Variants in MCF2 observed in about 807,000 individuals in gnomAD.
MCF2 encodes proto-oncogene DBL.
Under a neutral mutation model 82.5 loss-of-function variants are expected in MCF2, and 44 were observed. The ratio of observed to expected loss-of-function variants is 0.53; its 90% CI spans 0.42 to 0.69. The LOEUF is 0.69. Ranked by LOEUF, MCF2 falls within the 30% of genes least tolerant of loss-of-function variation. MCF2 has a pLI of 0.00. For missense variants in MCF2, 623 were observed against 663.1 expected (o/e 0.94, Z 0.66); for synonymous variants, 217 against 224.9 (o/e 0.96, Z 0.32).
At chrX:139,602,941 T>C (rs1165092318) in intron 15 of MCF2, among the ~76,000 whole-genome samples, 2 of 111,908 alleles carry the variant, frequency 1.8e-5, no homozygotes, top group Admixed American at 9.5e-5. Flanking sequence ...TAGGCACTTA[T>C]GCAATTCTCT....
At chrX:139,612,590 A>C (rs778274625) in intron 10 of MCF2, among the ~76,000 whole-genome samples, 1 of 111,369 alleles carries the variant, frequency 9.0e-6, no homozygotes, top group Non-Finnish European at 1.9e-5. Flanking sequence ...AGTTTGACTC[A>C]TTTTTATGAG....
Position 139,666,089 on chromosome X carries a change from T to C in MCF2, c.-44-14301A>G, listed in dbSNP as rs753526991. On this transcript the variant is annotated intron_variant, in intron 1 of 27. Coordinates refer to the MCF2 transcript ENST00000414978. Reference sequence around the variant, plus strand: ...GAGTATGTATCCCCTCAAGCATTTATCCTTATTATTACAAATAATCCAATT... The same window carrying C: ...GAGTATGTATCCCCTCAAGCATTTACCCTTATTATTACAAATAATCCAATT... Among the ~76,000 whole-genome samples, 6 of 108,004 alleles carry C rather than the reference T, an allele frequency of 5.6e-5. No homozygotes were observed. In the East Asian group the frequency reaches 1.7e-3, roughly 31 times the overall value. The allele number at this position is 108,004 out of a possible 115,157, so 93.8% of individuals were successfully genotyped here. A position where few individuals can be genotyped will look rare whatever the true frequency, so the allele number is the denominator to read the frequency against.
intron 1 of MCF2, among the ~76,000 whole-genome samples, chrX:139,706,470 C>G (rs1275986404): frequency 9.0e-6 from 1 of 111,603 alleles, no homozygotes; most frequent in African/African-American, 3.3e-5. Context: ...AACAGAAAAC[C>G]AAATACCACA....
intron 1 of MCF2, among the ~76,000 whole-genome samples, chrX:139,666,370 G>A (rs952929272): frequency 9.0e-6 from 1 of 110,710 alleles, no homozygotes; most frequent in African/African-American, 3.3e-5. Flanking sequence ...GGACTCCCTT[G>A]AGCATTTCTT....
intron 16 of MCF2, 85 bp from the exon 21 acceptor site, chrX:139,598,583 G>T: frequency 2.2e-6 from 1 of 459,097 alleles, no homozygotes. Flanking sequence ...TAAACCTAAT[G>T]CCCCAATGTT....
At chrX:139,677,587 T>C (rs376458481) in intron 1 of MCF2, among the ~76,000 whole-genome samples, 13 of 111,543 alleles carry the variant, frequency 1.2e-4, no homozygotes, top group African/African-American at 4.2e-4. Context: ...CTGCATCACC[T>C]TCTCCAAACA....
intron 6 of MCF2, among the ~76,000 whole-genome samples, chrX:139,622,779 C>T (rs1164665545): frequency 1.8e-5 from 2 of 109,671 alleles, no homozygotes; most frequent in Admixed American, 9.8e-5. Flanking sequence ...ATACCTAATG[C>T]TAAATGACAA....
At chrX:139,603,573 C>T (rs895406406) in intron 15 of MCF2, among the ~76,000 whole-genome samples, 5 of 112,424 alleles carry the variant, frequency 4.4e-5, no homozygotes, top group South Asian at 3.7e-4. Context: ...CGGTGGCTCA[C>T]GCCTGTAATC....
intron 16 of MCF2, among the ~76,000 whole-genome samples, chrX:139,600,135 T>C (rs1347877493): frequency 9.0e-6 from 1 of 111,334 alleles, no homozygotes; most frequent in African/African-American, 3.3e-5. Context: ...GAAGACAGGA[T>C]GCAGATTAGT....
At chrX:139,695,079 G>A (rs1051951413) in intron 1 of MCF2, among the ~76,000 whole-genome samples, 7 of 106,611 alleles carry the variant, frequency 6.6e-5, no homozygotes, top group Non-Finnish European at 7.7e-5. Context: ...CACCCAGGCT[G>A]GAGTGCAGTG....
upstream of MCF2, chrX:139,645,540 A>T (rs756385077): frequency 2.1e-6 from 2 of 930,534 alleles, no homozygotes; most frequent in East Asian, 3.1e-5. Context: ...AAAAATAAAA[A>T]GTTACTGTAT....
At chrX:139,660,017 T>G (rs2148538396) in intron 1 of MCF2, among the ~76,000 whole-genome samples, 1 of 112,077 alleles carries the variant, frequency 8.9e-6, no homozygotes, top group African/African-American at 3.2e-5. Context: ...CTACCTTTCA[T>G]ACTTCATTCA....
chrX:139,654,568 G>C (rs777898985), intron 1 of MCF2, among the ~76,000 whole-genome samples: 10 of 111,823 alleles, frequency 8.9e-5, no homozygotes, highest in Non-Finnish European at 1.5e-4. Context: ...GATAGTTTGC[G>C]AATATTTTCT....
intron 10 of MCF2, among the ~76,000 whole-genome samples, chrX:139,613,987 C>A (rs1403134257): frequency 9.0e-6 from 1 of 110,789 alleles, no homozygotes; most frequent in Non-Finnish European, 1.9e-5. Context: ...ATCCTTGGCT[C>A]AAGCCTTCTC....
At chrX:139,705,473 A>T (rs908623260) in intron 1 of MCF2, among the ~76,000 whole-genome samples, 1 of 112,659 alleles carries the variant, frequency 8.9e-6, no homozygotes, top group Non-Finnish European at 1.9e-5. Context: ...AAACAATTCC[A>T]TATTCAGTAA....
chrX:139,626,257 T>C (rs1932758946), exon 6 of MCF2: 1 of 1,205,037 alleles, frequency 8.3e-7, no homozygotes, highest in South Asian at 1.8e-5. Context: ...TTGATGTTTT[T>C]CCCAAAATCC....
At chrX:139,671,098 G>A (rs1934675407) in intron 1 of MCF2, among the ~76,000 whole-genome samples, 4 of 112,326 alleles carry the variant, frequency 3.6e-5, no homozygotes, top group Admixed American at 9.4e-5. Flanking sequence ...TCTGTTGGCT[G>A]CATAAATGTC....
intron 1 of MCF2, among the ~76,000 whole-genome samples, chrX:139,661,304 G>A (rs186562611): frequency 8.9e-6 from 1 of 111,918 alleles, no homozygotes; most frequent in East Asian, 2.8e-4. Context: ...GTAGGATCTT[G>A]CATGCTGACA....
chrX:139,630,100 C>T (rs1253870789), intron 3 of MCF2, among the ~76,000 whole-genome samples: 1 of 111,490 alleles, frequency 9.0e-6, no homozygotes, highest in Non-Finnish European at 1.9e-5. Flanking sequence ...ATTTCTTGGA[C>T]ACTAATGAAA....
Sources: gnomAD v4.1 joint callset for allele counts (sites outside exome capture counted in the v4.1 genomes callset) on GRCh38, gnomAD v4.1.1 for gene constraint, MANE v1.5 for transcripts, NCBI Gene and HGNC (gene_info 2026-07-23, HGNC 2026-07-21) for gene names.